DIS3: variants seen among roughly 807,000 people sequenced by gnomAD.
The protein encoded by DIS3 is DIS3 exosome endoribonuclease and 3'-5' exoribonuclease, also known as exosome complex exonuclease RRP44.
In DIS3, 103 loss-of-function variants were observed where a neutral mutation model predicts 113.0. The ratio of observed to expected loss-of-function variants is 0.91; its 90% CI spans 0.78 to 1.07. DIS3 has a LOEUF of 1.07. Ranked by LOEUF, DIS3 falls within the 50% of genes least tolerant of loss-of-function variation. The pLI, the probability that DIS3 is intolerant of heterozygous loss-of-function variation, is 0.00. For missense variants in DIS3, 1,121 were observed against 1,167.1 expected, an observed-to-expected ratio of 0.96 and a Z score of 0.58; for synonymous variants, 402 against 394.3, an observed-to-expected ratio of 1.02 and a Z score of -0.23.
intron 4 of DIS3, among the ~76,000 whole-genome samples, chr13:72,777,112 A>T (rs900744461): frequency 6.6e-6 from 1 of 152,104 alleles, no homozygotes; most frequent in Non-Finnish European, 1.5e-5. Flanking sequence ...CTGCCACTTC[A>T]TTTGTCAGCA....
chr13:72,770,783 A>G (rs1466852795), intron 13 of DIS3, 121 bp downstream of exon 13: 1 of 451,632 alleles, frequency 2.2e-6, no homozygotes, highest in Non-Finnish European at 3.7e-6. Context: ...TTTCAAATAT[A>G]TAAATATTTT....
chr13:72,775,402 C>A (rs368521723), intron 5 of DIS3, 27 bp from the exon 6 acceptor site: 2 of 1,553,994 alleles, frequency 1.3e-6, no homozygotes, highest in Non-Finnish European at 1.7e-6. Context: ...AGGGCACGTG[C>A]CCAAATTATT....
intron 2 of DIS3, among the ~76,000 whole-genome samples, chr13:72,779,090 T>A (rs992769582): frequency 7.2e-5 from 11 of 152,124 alleles, no homozygotes; most frequent in Non-Finnish European, 1.5e-4. Context: ...TTAGAATTAT[T>A]TTATTCCTCA....
Position 72,755,062 on chromosome 13 carries a change from G to T in DIS3, c.*4733C>A. 1 of 1,039,238 alleles carries T rather than the reference G, an allele frequency of 9.6e-7. No individual in the cohort carries two copies. The highest frequency in any genetic ancestry group is 1.5e-6 in the Non-Finnish European group (1 of 670,064). The allele number at this position is 1,039,238 out of a possible 1,614,324, so 64.4% of individuals were successfully genotyped here. A position where few individuals can be genotyped will look rare whatever the true frequency, so the allele number is the denominator to read the frequency against. The stretch of plus-strand genomic sequence containing the variant: ...CTTCAGAGTTCAGCTAAAGAAACGT[G>T]CTTTTAGGTTTTAAAAACAGTCCCG... On this transcript the variant is annotated 3_prime_UTR_variant, in exon 21 of 21. Transcript: ENST00000377767.
At position 72,755,526 on chromosome 13, in the gene DIS3, T is replaced by TA. The variant is rs2033436851; in HGVS notation, c.*4268dup. 3 of 370,628 alleles carry TA rather than the reference T, an allele frequency of 8.1e-6. No individual in the cohort carries two copies. In the East Asian group the frequency reaches 1.4e-4, roughly 17 times the overall value. The allele number at this position is 370,628 out of a possible 1,614,324, so 23.0% of individuals were successfully genotyped here. A position where few individuals can be genotyped will look rare whatever the true frequency, so the allele number is the denominator to read the frequency against. Reference sequence around the variant, plus strand: ...CTTACAGGGTCAATGAACTACTTATTAAGCCTTACTGGTAGCACTGAATTT... The same window carrying TA: ...CTTACAGGGTCAATGAACTACTTATTAAAGCCTTACTGGTAGCACTGAATTT... On this transcript the variant is annotated 3_prime_UTR_variant, in exon 21 of 21. Coordinates refer to ENST00000377767, the MANE Select transcript of DIS3 (RefSeq NM_014953.5).
At chr13:72,773,526 T>G (rs1415173035) in intron 8 of DIS3, among the ~76,000 whole-genome samples, 158 bp downstream of exon 8, 1 of 152,194 alleles carries the variant, frequency 6.6e-6, no homozygotes, top group Non-Finnish European at 1.5e-5. Context: ...AAATTAATTT[T>G]CAAAGTAGAC....
At chr13:72,768,726 T>A in intron 14 of DIS3, 59 bp downstream of exon 14, 2 of 1,306,324 alleles carry the variant, frequency 1.5e-6, no homozygotes, top group Admixed American at 2.2e-5. Context: ...TCATTGCCTA[T>A]GATCAAACAA....
intron 11 of DIS3, 65 bp from the exon 12 acceptor site, chr13:72,771,210 A>G (rs2033879184): frequency 7.9e-7 from 1 of 1,268,868 alleles, no homozygotes. Flanking sequence ...GTGAGGTTCT[A>G]TTCTCAAATA....
At position 72,775,238 on chromosome 13, in the gene DIS3, C is replaced by T; in HGVS notation, c.960G>A (p.Val320=). The T allele has an allele frequency of 3.7e-6, 6 of 1,613,240 alleles. No homozygotes were observed. The highest frequency in any genetic ancestry group is 5.1e-6 in the Non-Finnish European group (6 of 1,179,514). Residue 320 remains valine, a synonymous_variant, in exon 6 of 21, where the codon GTG becomes GTA. Transcript: ENST00000377767. ...LHDEGQNEED[V]EKEEETERML... ...TTCGTTCTGTCTCTTCTTCTTTCTC[C>T]ACATCTTCTTCATTTTGACCTTCAT...
In DIS3 at chr13:72,752,445, G is replaced by C. The variant is rs998420193; in HGVS notation, c.*7350C>G. 3 of 152,168 alleles carry C rather than the reference G, an allele frequency of 2.0e-5. No individual in the cohort carries two copies. Among genetic ancestry groups the C allele is most frequent in the African/African-American group, 7.2e-5 (3 of 41,430 alleles). The allele number at this position is 152,168 out of a possible 1,614,324, so 9.4% of individuals were successfully genotyped here. ...ATCAATCCTGCTCTTCCCATAGTGT[G>C]GGACAAACTCCCCGCATGCCTTACT... On this transcript the variant is annotated 3_prime_UTR_variant, in exon 21 of 21. Coordinates refer to ENST00000377767, the MANE Select transcript of DIS3 (RefSeq NM_014953.5).
chr13:72,772,988 A>G (rs1315669463), intron 8 of DIS3, 149 bp from the exon 9 acceptor site: 2 of 850,840 alleles, frequency 2.4e-6, no homozygotes, highest in Admixed American at 6.9e-5. Flanking sequence ...TAAATTAGAC[A>G]AGACTTCTCA....
chr13:72,769,511 GTT>G (rs2033836126), intron 13 of DIS3, among the ~76,000 whole-genome samples: 39 of 69,558 alleles, frequency 5.6e-4, no homozygotes, highest in African/African-American at 2.1e-3. Context: ...TTTTTTTTTT[GTT>G]TGTCTAAGGA....
intron 8 of DIS3, 114 bp downstream of exon 8, chr13:72,773,570 C>G: frequency 8.2e-7 from 1 of 1,217,928 alleles, no homozygotes. Flanking sequence ...TGAAATATCT[C>G]TAAATTTCAG....
At chr13:72,766,988 G>A (rs1427722797) in intron 14 of DIS3, among the ~76,000 whole-genome samples, 1 of 152,094 alleles carries the variant, frequency 6.6e-6, no homozygotes, top group African/African-American at 2.4e-5. Flanking sequence ...TTCTTGCCTT[G>A]TAGTGTGCAC....
At chr13:72,760,687 C>T (rs1566238051) in intron 19 of DIS3, 36 bp from the exon 20 acceptor site, 1 of 1,601,268 alleles carries the variant, frequency 6.2e-7, no homozygotes, top group Non-Finnish European at 8.5e-7. Flanking sequence ...TTAATTGCTT[C>T]CTTACATTTG....
At chr13:72,773,551 G>T in intron 8 of DIS3, 133 bp downstream of exon 8, 2 of 952,798 alleles carry the variant, frequency 2.1e-6, no homozygotes, top group African/African-American at 1.7e-5. Flanking sequence ...TACTTACCAG[G>T]TCACTTTGTG....
rs1212945396 is a variant in DIS3, at chr13:72,759,171, T to TA, written c.*623dup. The TA allele has an allele frequency of 5.3e-6, 1 of 189,496 alleles. No individual in the cohort carries two copies. Among genetic ancestry groups the TA allele is most frequent in the Non-Finnish European group, 1.1e-5 (1 of 90,196 alleles). 11.7% of individuals were successfully genotyped at this position (189,496 alleles called of 1,614,324 possible). A position where few individuals can be genotyped will look rare whatever the true frequency, so the allele number is the denominator to read the frequency against. On this transcript the variant is annotated 3_prime_UTR_variant, in exon 21 of 21. Transcript: ENST00000377767. ...AATGATCACACTTATTACCTGGCAA[T>TA]AAAAACACAACCATCTTTCCAGTCA...
intron 2 of DIS3, among the ~76,000 whole-genome samples, chr13:72,780,331 A>C (rs2034140128): frequency 6.7e-6 from 1 of 150,364 alleles, no homozygotes; most frequent in South Asian, 2.1e-4. Context: ...ATCTCAAAAA[A>C]AAAAAAAAAA....
Position 72,755,755 on chromosome 13 carries a change from G to C in DIS3, c.*4040C>G, listed in dbSNP as rs2033445911. Reference sequence around the variant, plus strand: ...TTCACCTCTGTGGGGAAAATTCTTAGTTCCAGTGATAACTGTTCTAGTTAC... The same window carrying C: ...TTCACCTCTGTGGGGAAAATTCTTACTTCCAGTGATAACTGTTCTAGTTAC... On this transcript the variant is annotated 3_prime_UTR_variant, in exon 21 of 21. Coordinates refer to ENST00000377767, the MANE Select transcript of DIS3 (RefSeq NM_014953.5). 1 of 397,368 alleles carries C rather than the reference G, an allele frequency of 2.5e-6. No homozygotes were observed. The highest frequency in any genetic ancestry group is 1.4e-4 in the South Asian group (1 of 7,128). 24.6% of individuals were successfully genotyped at this position (397,368 alleles called of 1,614,324 possible).
Sources: gnomAD v4.1 joint callset for allele counts (sites outside exome capture counted in the v4.1 genomes callset) on GRCh38, gnomAD v4.1.1 for gene constraint, MANE v1.5 for transcripts, NCBI Gene and HGNC (gene_info 2026-07-23, HGNC 2026-07-21) for gene names.